The following DDOST variants were observed in gnomAD, a reference collection of about 807,000 sequenced individuals.
DDOST encodes the protein dolichyl-diphosphooligosaccharide--protein glycosyltransferase 48 kDa subunit.
Under a neutral mutation model 47.6 loss-of-function variants are expected in DDOST, and 25 were observed. The observed-to-expected ratio is 0.53, with a 90% CI of 0.38 to 0.73. The LOEUF is 0.73. DDOST is among the 30% of genes least tolerant of loss of function. The pLI is 0.00. For missense variants in DDOST, 526 were observed against 573.9 expected, an observed-to-expected ratio of 0.92 and a Z score of 0.85; for synonymous variants, 275 against 236.0, an observed-to-expected ratio of 1.17 and a Z score of -1.51.
In DDOST at chr1:20,653,652, T is replaced by C. The variant is rs764755742; in HGVS notation, c.917A>G (p.Asn306Ser). Reference sequence around the variant, plus strand: ...CACTAGGTCAGTGACAGTGTAGGCATTGGGTGGGGCTGTCTCGCCCACCCG... The same window carrying C: ...CACTAGGTCAGTGACAGTGTAGGCACTGGGTGGGGCTGTCTCGCCCACCCG... The part of the protein sequence containing the change: ...HHRVGETAPP[N>S]AYTVTDLVEY... Residue 306 changes from asparagine to serine, a missense_variant, in exon 8 of 11, where the codon AAT (asparagine) becomes AGT (serine). Asn to Ser is a conservative substitution (Grantham distance 46). Transcript: ENST00000602624. The C allele has an allele frequency of 8.4e-5, 135 of 1,611,286 alleles. 1 individual carries two copies. The Admixed American group carries it at 1.7e-3, about 20-fold the overall frequency.
chr1:20,658,909 G>C (rs1369062839), intron 2 of DDOST, among the ~76,000 whole-genome samples: 1 of 143,896 alleles, frequency 6.9e-6, no homozygotes, highest in Non-Finnish European at 1.5e-5. Context: ...AGGCTGGAGT[G>C]CAGTTGGCAT....
In DDOST at chr1:20,652,061, G is replaced by A. The variant is rs1020425661; in HGVS notation, c.*318C>T. On this transcript the variant is annotated 3_prime_UTR_variant, in exon 11 of 11. Coordinates refer to ENST00000602624, the MANE Select transcript of DDOST (RefSeq NM_005216.5). ...AGGATAGTCTCGATCTCCTGACCTCGTGAGCCGCCTGCCTCGGCCTCCCAA... is the reference window on the plus strand; with the variant it reads ...AGGATAGTCTCGATCTCCTGACCTCATGAGCCGCCTGCCTCGGCCTCCCAA... 1 of 197,984 alleles carries A rather than the reference G, an allele frequency of 5.1e-6. No homozygotes were observed. The highest frequency in any genetic ancestry group is 1.4e-4 in the East Asian group (1 of 7,224). The allele number at this position is 197,984 out of a possible 1,614,324, so 12.3% of individuals were successfully genotyped here. A position where few individuals can be genotyped will look rare whatever the true frequency, so the allele number is the denominator to read the frequency against.
intron 5 of DDOST, among the ~76,000 whole-genome samples, 154 bp from the exon 6 acceptor site, chr1:20,654,861 GTTT>G (rs2053350556): frequency 1.0e-5 from 1 of 96,932 alleles, no homozygotes; most frequent in Non-Finnish European, 2.3e-5. Flanking sequence ...AGTCTGACTT[GTTT>G]TTGTTTTTGT....
At chr1:20,655,161 A>C (rs941937002) in intron 5 of DDOST, among the ~76,000 whole-genome samples, 1 of 69,086 alleles carries the variant, frequency 1.4e-5, no homozygotes, top group East Asian at 3.1e-4. Context: ...CGCTCGGCCA[A>C]CTTTTTTTTG....
intron 5 of DDOST, 114 bp downstream of exon 5, chr1:20,655,326 A>T: frequency 1.3e-6 from 1 of 753,642 alleles, no homozygotes; most frequent in Non-Finnish European, 2.3e-6. Context: ...ATAACAAATT[A>T]ATCCCATCTA....
At chr1:20,660,708 T>C (rs1557574618) in intron 2 of DDOST, 173 bp downstream of exon 2, 2 of 563,210 alleles carry the variant, frequency 3.6e-6, no homozygotes. Flanking sequence ...TTTAGAAAGA[T>C]GTACCCTCCT....
chr1:20,661,336 G>T lies in DDOST; in HGVS notation c.15C>A (p.Thr5=). The T allele has an allele frequency of 6.2e-7, 1 of 1,613,194 alleles. No homozygotes were observed. Among genetic ancestry groups the T allele is most frequent in the Non-Finnish European group, 8.5e-7 (1 of 1,179,910 alleles). The change falls in exon 1 of 11, where the codon ACC becomes ACA. Residue 5 remains threonine, a synonymous_variant. Coordinates refer to ENST00000602624, the MANE Select transcript of DDOST (RefSeq NM_005216.5). ...AAAAGAGGGCCCAAGCCCGGGCCGC[G>T]GTGCTGGGCTCCATCTTCCTCCTCC... MEPS[T]AARAWALFWL...
At chr1:20,655,640 TG>T (rs779877980) in intron 4 of DDOST, 35 bp downstream of exon 4, 3 of 1,597,936 alleles carry the variant, frequency 1.9e-6, no homozygotes, top group Non-Finnish European at 2.6e-6. Flanking sequence ...CTTTGCCATA[TG>T]CCCCTGAAAC....
At position 20,660,900 on chromosome 1, in the gene DDOST, AATG is replaced by A; in HGVS notation, c.243_245del (p.Ile82del). ...CCTTACCTTCTACCGAAGGGGAGAAAATGATGAGATTGTCATAGAGGAATTCCC... is the reference window on the plus strand; with the variant it reads ...CCTTACCTTCTACCGAAGGGGAGAAAATGAGATTGTCATAGAGGAATTCCC... On this transcript the variant is annotated inframe_deletion, in exon 2 of 11. Coordinates refer to ENST00000602624, the MANE Select transcript of DDOST (RefSeq NM_005216.5). The A allele has an allele frequency of 1.2e-6, 2 of 1,610,048 alleles. No homozygotes were observed. The highest frequency in any genetic ancestry group is 1.7e-6 in the Non-Finnish European group (2 of 1,176,322).
intron 4 of DDOST, 35 bp downstream of exon 4, chr1:20,655,641 G>A (rs568742601): frequency 6.3e-7 from 1 of 1,598,224 alleles, no homozygotes; most frequent in African/African-American, 1.3e-5. Flanking sequence ...TTTGCCATAT[G>A]CCCCTGAAAC....
chr1:20,660,836 C>G (rs755896796), intron 2 of DDOST, 45 bp downstream of exon 2: 14 of 1,158,054 alleles, frequency 1.2e-5, no homozygotes, highest in Admixed American at 7.0e-5. Flanking sequence ...TCCATCAAGT[C>G]CCGGGTCTCG....
At chr1:20,657,064 C>G (rs1212085469) in intron 2 of DDOST, among the ~76,000 whole-genome samples, 7 of 152,212 alleles carry the variant, frequency 4.6e-5, no homozygotes, top group Admixed American at 3.3e-4. Flanking sequence ...TAAGGAAGAC[C>G]TGCAAGTGGC....
At position 20,652,970 on chromosome 1, in the gene DDOST, T is replaced by C. The variant is rs1196981268; in HGVS notation, c.944A>G (p.Glu315Gly). Residue 315 changes from glutamate to glycine, a missense_variant and splice_region_variant, in exon 9 of 11, where the codon GAG (glutamate) becomes GGG (glycine). By Grantham distance (98) the Glu-to-Gly change is moderately conservative. Transcript: ENST00000602624. The part of the protein sequence containing the change: ...PNAYTVTDLV[E>G]YSIVIQQLSN... The stretch of plus-strand genomic sequence containing the variant: ...GAGCTGCTGGATCACGATGCTATAC[T>C]CCTGAGATAAAAGGCCAGGTTAGCC... The C allele has an allele frequency of 6.2e-7, 1 of 1,614,176 alleles. No homozygotes were observed. Among genetic ancestry groups the C allele is most frequent in the South Asian group, 1.1e-5 (1 of 91,084 alleles).
intron 2 of DDOST, among the ~76,000 whole-genome samples, chr1:20,656,471 C>A (rs1209746536): frequency 6.6e-6 from 1 of 152,234 alleles, no homozygotes; most frequent in Non-Finnish European, 1.5e-5. Flanking sequence ...GTAAGCTGTA[C>A]ACATTTCAAC....
rs869053335 is a variant in DDOST at position 20,655,171 on chromosome 1, G to GT, written c.551+268dup. Among the ~76,000 whole-genome samples, 704 of 77,160 alleles carry GT rather than the reference G, an allele frequency of 9.1e-3. 14 individuals carry two copies. The highest frequency in any genetic ancestry group is 0.013 in the Non-Finnish European group (500 of 37,102). 50.6% of individuals were successfully genotyped at this position (77,160 alleles called of 152,430 possible). ...CACTGCGCTCGGCCAACTTTTTTTT[G>GT]TTTTTTTTTTTTTTTTTTTTTTTTA... On this transcript the variant is annotated intron_variant, in intron 5 of 10. Coordinates refer to ENST00000602624, the MANE Select transcript of DDOST (RefSeq NM_005216.5).
chr1:20,654,539 A>G, intron 6 of DDOST, 75 bp downstream of exon 6: 1 of 1,435,898 alleles, frequency 7.0e-7, no homozygotes, highest in Non-Finnish European at 9.6e-7. Flanking sequence ...CCAACTAGTC[A>G]TTTCCTTCGC....
rs2154534148 is a variant in DDOST, at chr1:20,651,806, TTTATTTA to T, written c.*566_*572del. On this transcript the variant is annotated 3_prime_UTR_variant, in exon 11 of 11. Transcript: ENST00000602624. ...AGGGCAACATCTCGCTTTATTTTTA[TTTATTTA>T]TTTATTTATTTATTTATTTATTTAT... The T allele has an allele frequency of 3.6e-5, 1 of 27,656 alleles. No homozygotes were observed. Among genetic ancestry groups the T allele is most frequent in the South Asian group, 7.0e-4 (1 of 1,422 alleles). 1.7% of individuals were successfully genotyped at this position (27,656 alleles called of 1,614,324 possible).
chr1:20,655,642 C>A, intron 4 of DDOST, 34 bp downstream of exon 4: 1 of 1,599,274 alleles, frequency 6.3e-7, no homozygotes, highest in Non-Finnish European at 8.6e-7. Context: ...TTGCCATATG[C>A]CCCTGAAACC....
At position 20,652,281 on chromosome 1, in the gene DDOST, T is replaced by A; in HGVS notation, c.*98A>T. On this transcript the variant is annotated 3_prime_UTR_variant, in exon 11 of 11. Coordinates refer to ENST00000602624, the MANE Select transcript of DDOST (RefSeq NM_005216.5). ...CTCCCACAGAGGTAAAGTTGTGCCA[T>A]TTTCCCACGGCTTTAAACAAAGCAA... 7.7e-7 allele frequency: 1 copy of A among 1,296,562 alleles called. No homozygotes were observed. Among genetic ancestry groups the A allele is most frequent in the African/African-American group, 1.5e-5 (1 of 67,108 alleles). The allele number at this position is 1,296,562 out of a possible 1,614,324, so 80.3% of individuals were successfully genotyped here.
Sources: allele counts gnomAD v4.1 joint callset (sites outside exome capture counted in the v4.1 genomes callset), GRCh38; gene constraint gnomAD v4.1.1; transcripts MANE v1.5; gene names NCBI Gene and HGNC (gene_info 2026-07-23, HGNC 2026-07-21).